SH2B2: variants seen among roughly 807,000 people sequenced by gnomAD.
SH2B2 encodes SH2B adapter protein 2.
Under a neutral mutation model 35.7 loss-of-function variants are expected in SH2B2, and 37 were observed. The observed-to-expected ratio is 1.04, with a 90% confidence interval of 0.80 to 1.36. SH2B2 has a LOEUF of 1.36. Among genes scored for constraint, SH2B2 ranks in the 40% most tolerant of loss-of-function variants. The probability of loss-of-function intolerance (pLI) is 0.00; values close to 1 mark genes in which losing one functional copy is unlikely to be tolerated. For synonymous variants in SH2B2, 383 were observed against 376.4 expected (o/e 1.02, Z -0.20); for missense variants, 852 against 817.7 (o/e 1.04, Z -0.51).
intron 2 of SH2B2, among the ~76,000 whole-genome samples, chr7:102,303,452 C>G (rs1174940473): frequency 1.3e-5 from 2 of 152,172 alleles, no homozygotes; most frequent in Non-Finnish European, 2.9e-5. Flanking sequence ...TCTTGGCTCT[C>G]TCTCCATCTC....
At chr7:102,287,643 G>T (rs1423669383) in intron 1 of SH2B2, among the ~76,000 whole-genome samples, 1 of 152,194 alleles carries the variant, frequency 6.6e-6, no homozygotes, top group Admixed American at 6.5e-5. Flanking sequence ...TTGCCGGGAG[G>T]ATCGTGGAGG....
At chr7:102,314,471 G>C in intron 5 of SH2B2, 41 bp from the exon 6 acceptor site, 1 of 398,704 alleles carries the variant, frequency 2.5e-6, no homozygotes, top group Non-Finnish European at 4.4e-6. Context: ...ACTCAGGGTG[G>C]ACAGATAAAG....
intron 1 of SH2B2, among the ~76,000 whole-genome samples, chr7:102,293,479 A>C (rs1164556433): frequency 2.0e-5 from 3 of 151,474 alleles, no homozygotes; most frequent in East Asian, 1.9e-4. Context: ...GGAAAAAAAA[A>C]ACACATTTTT....
chr7:102,290,241 CTT>C (rs35625519), intron 1 of SH2B2, among the ~76,000 whole-genome samples: 68 of 145,208 alleles, frequency 4.7e-4, no homozygotes, highest in African/African-American at 1.2e-3. Flanking sequence ...CCATACCCCC[CTT>C]TTTTTTTTTT....
intron 7 of SH2B2, 144 bp from the exon 8 acceptor site, chr7:102,320,186 TG>T: frequency 1.6e-6 from 1 of 630,240 alleles, no homozygotes. Flanking sequence ...CATCTCCAGA[TG>T]GGGCTCATGT....
At position 102,307,544 on chromosome 7, in the gene SH2B2, C is replaced by T. The variant is rs149426966; in HGVS notation, c.831+722C>T. Reference sequence around the variant, plus strand: ...GTCACGGACTCACTTATTCATTTAGCGAGTGTTTACCAACCCCGGACCCTG... The same window carrying T: ...GTCACGGACTCACTTATTCATTTAGTGAGTGTTTACCAACCCCGGACCCTG... On this transcript the variant is annotated intron_variant, in intron 3 of 8. Coordinates refer to ENST00000444095, the MANE Select transcript of SH2B2 (RefSeq NM_001359228.2). 1.8e-3 allele frequency among the ~76,000 whole-genome samples: 278 copies of T among 152,178 alleles called. 1 individual carries two copies. The highest frequency in any genetic ancestry group is 6.1e-3 in the African/African-American group (254 of 41,512).
rs1363197895 is a variant in SH2B2, at chr7:102,299,852, GACT to G, written c.-29-665_-29-663del. Among the ~76,000 whole-genome samples the G allele has an allele frequency of 3.9e-5, 6 of 152,326 alleles. No individual in the cohort carries two copies. The East Asian group carries it at 1.2e-3, about 29-fold the overall frequency. On this transcript the variant is annotated intron_variant, in intron 1 of 8. Transcript: ENST00000444095. ...CCAGGAATGACCCTGAGGTCCCTGA[GACT>G]ACTATTTGGGGAGAGAATGAATGCA...
chr7:102,290,989 G>C (rs1416860689), intron 1 of SH2B2, among the ~76,000 whole-genome samples: 1 of 152,230 alleles, frequency 6.6e-6, no homozygotes, highest in African/African-American at 2.4e-5. Flanking sequence ...GGAAACTGAG[G>C]CTCCAGAGTC....
chr7:102,317,913 G>A (rs567167058), intron 7 of SH2B2, among the ~76,000 whole-genome samples: 1 of 152,222 alleles, frequency 6.6e-6, no homozygotes, highest in African/African-American at 2.4e-5. Context: ...CAGGGGAGGA[G>A]GAGCTGGGCT....
In SH2B2 at chr7:102,321,302, C is replaced by T. The variant is rs1262396140; in HGVS notation, c.1571C>T (p.Pro524Leu). The T allele has an allele frequency of 5.7e-6, 8 of 1,395,264 alleles. No homozygotes were observed. In the African/African-American group the frequency reaches 9.1e-5, roughly 16 times the overall value. The allele number at this position is 1,395,264 out of a possible 1,614,324, so 86.4% of individuals were successfully genotyped here. A position where few individuals can be genotyped will look rare whatever the true frequency, so the allele number is the denominator to read the frequency against. Reference sequence around the variant, plus strand: ...CCCTGCCGTCGCCTTGTTGCAGAGCCGGGCCCCACGCCCCCTGCCGCGCCC... The same window carrying T: ...CCCTGCCGTCGCCTTGTTGCAGAGCTGGGCCCCACGCCCCCTGCCGCGCCC... The part of the protein sequence containing the change: ...YVRAQDPPPE[P>L]GPTPPAAPAS... Residue 524 changes from proline (P) to leucine (L), a missense_variant, in exon 9 of 9, where the codon CCG (proline) becomes CTG (leucine). Physicochemically the swap from Pro to Leu is moderately conservative, Grantham distance 98 (BLOSUM62 -3). Coordinates refer to ENST00000444095, the MANE Select transcript of SH2B2 (RefSeq NM_001359228.2).
upstream of SH2B2, chr7:102,285,247 AC>A: frequency 9.0e-6 from 14 of 1,550,326 alleles, no homozygotes; most frequent in Non-Finnish European, 1.2e-5. Context: ...TCAGCCCACT[AC>A]TCTGAACCAG....
At chr7:102,285,508 G>A (rs1792410538), upstream of SH2B2, among the ~76,000 whole-genome samples, 1 of 152,230 alleles carries the variant, frequency 6.6e-6, no homozygotes, top group Non-Finnish European at 1.5e-5. Context: ...ACAGAGCCGA[G>A]ATGTGGGGCA....
chr7:102,303,165 C>G (rs1401402451), intron 2 of SH2B2, among the ~76,000 whole-genome samples: 1 of 151,302 alleles, frequency 6.6e-6, no homozygotes. Flanking sequence ...TGTGGTAAGC[C>G]GAGATCACGC....
chr7:102,293,984 G>A (rs570843938), intron 1 of SH2B2, among the ~76,000 whole-genome samples: 4 of 152,204 alleles, frequency 2.6e-5, no homozygotes, highest in African/African-American at 9.6e-5. Context: ...GGAGATCAGA[G>A]GGGGAGAGCA....
chr7:102,299,596 T>C (rs955830251), intron 1 of SH2B2, among the ~76,000 whole-genome samples: 15 of 152,148 alleles, frequency 9.9e-5, no homozygotes, highest in Non-Finnish European at 1.9e-4. Context: ...GCTGGAGTGC[T>C]GCATGCAGGA....
At chr7:102,314,127 C>T (rs1367237269) in intron 4 of SH2B2, among the ~76,000 whole-genome samples, 1 of 152,106 alleles carries the variant, frequency 6.6e-6, no homozygotes, top group African/African-American at 2.4e-5. Context: ...GTTTTCTGAG[C>T]CCCAACAGTG....
At chr7:102,319,679 A>T (rs1554557860) in intron 7 of SH2B2, among the ~76,000 whole-genome samples, 1 of 151,780 alleles carries the variant, frequency 6.6e-6, no homozygotes, top group East Asian at 1.9e-4. Context: ...CTGCAGTGGG[A>T]TACATGTTGA....
upstream of SH2B2, among the ~76,000 whole-genome samples, chr7:102,286,395 G>T (rs889965201): frequency 6.6e-6 from 1 of 152,214 alleles, no homozygotes; most frequent in African/African-American, 2.4e-5. Flanking sequence ...GGCCACAGCG[G>T]CGGCTCCCGC....
At position 102,314,348 on chromosome 7, in the gene SH2B2, A is replaced by C; in HGVS notation, c.936A>C (p.Glu312Asp). ...QGCVDPGDSE[E>D]DTELSCTRGG... is the part of the protein sequence containing the mutation. Reference sequence around the variant, plus strand: ...CTTGTCTCCACAGTGACAGTGAGGAAGACACCGAGCTCTCCTGTACCCGAG... The same window carrying C: ...CTTGTCTCCACAGTGACAGTGAGGACGACACCGAGCTCTCCTGTACCCGAG... The change falls in exon 5 of 9, where the codon GAA becomes GAC. Residue 312 changes from glutamate to aspartate, a missense_variant. This residue lies in a region of SH2B2 where 556 missense variants were observed against 514.5 expected (regional missense o/e 1.08). Transcript: ENST00000444095. The C allele has an allele frequency of 2.5e-6, 1 of 398,630 alleles. No individual in the cohort carries two copies. The allele number at this position is 398,630 out of a possible 1,614,324, so 24.7% of individuals were successfully genotyped here. A position where few individuals can be genotyped will look rare whatever the true frequency, so the allele number is the denominator to read the frequency against.
Sources: gnomAD v4.1 joint callset for allele counts (sites outside exome capture counted in the v4.1 genomes callset) on GRCh38, gnomAD v4.1.1 for gene constraint, gnomAD v4.1.1 regional missense constraint, MANE v1.5 for transcripts, NCBI Gene and HGNC (gene_info 2026-07-23, HGNC 2026-07-21) for gene names.